The following HMBOX1 variants were observed in gnomAD, a reference collection of about 807,000 sequenced individuals.
The protein encoded by HMBOX1 is homeobox-containing protein 1.
HMBOX1 carries 14 observed loss-of-function variants against 54.5 expected under a neutral mutation model. The observed-to-expected ratio is 0.26, with a 90% CI of 0.17 to 0.40. The LOEUF is 0.40. Among genes scored for constraint, HMBOX1 ranks in the 10% least tolerant of loss-of-function variants. The probability of loss-of-function intolerance (pLI) is 1.00; values close to 1 mark genes in which losing one functional copy is unlikely to be tolerated. For synonymous variants in HMBOX1, 160 were observed against 181.0 expected, an observed-to-expected ratio of 0.88 and a Z score of 0.93; for missense variants, 332 against 514.4, an observed-to-expected ratio of 0.65 and a Z score of 3.43.
At chr8:28,977,894 G>A (rs945663547) in intron 3 of HMBOX1, among the ~76,000 whole-genome samples, 7 of 151,030 alleles carry the variant, frequency 4.6e-5, no homozygotes, top group African/African-American at 1.2e-4. Flanking sequence ...CAGTGAGCCA[G>A]TATCGCGCTA....
At chr8:28,943,553 A>C (rs1244641878) in intron 1 of HMBOX1, among the ~76,000 whole-genome samples, 2 of 152,190 alleles carry the variant, frequency 1.3e-5, no homozygotes, top group Non-Finnish European at 2.9e-5. Context: ...GCTTTCAGGA[A>C]GGAAAGGAAG....
chr8:28,981,719 A>G lies in HMBOX1; in HGVS notation c.586+1563A>G, dbSNP rs1364139099. On this transcript the variant is annotated intron_variant, in intron 4 of 9. Transcript: ENST00000287701. ...AAATAGTAGCTTTGAAACCCATCCA[A>G]TCTTAATTAATGCAAATCATAGTAA... 5.9e-5 allele frequency among the ~76,000 whole-genome samples: 9 copies of G among 152,294 alleles called. No homozygotes were observed. In the South Asian group the frequency reaches 1.9e-3, roughly 32 times the overall value.
chr8:29,051,898 TAAAAA>T lies in HMBOX1; in HGVS notation c.*759_*763del, dbSNP rs11356150. On this transcript the variant is annotated 3_prime_UTR_variant, in exon 10 of 10. Transcript: ENST00000287701. ...AACAAAGACAAAAACCAAAAGTCAT[TAAAAA>T]AAAAAAAAAAAAAAACCCAGCTTGA... is the stretch of plus-strand genomic sequence containing the variant. The T allele has an allele frequency of 1.8e-4, 24 of 131,972 alleles. No individual in the cohort carries two copies. Among genetic ancestry groups the T allele is most frequent in the Admixed American group, 8.4e-4 (10 of 11,934 alleles). 8.2% of individuals were successfully genotyped at this position (131,972 alleles called of 1,614,324 possible).
chr8:29,050,966 C>CT, intron 9 of HMBOX1, 52 bp from the exon 10 acceptor site: 1 of 1,577,890 alleles, frequency 6.3e-7, no homozygotes, highest in South Asian at 1.1e-5. Flanking sequence ...CTCTCTGTGA[C>CT]TAAAGAATTC....
At chr8:28,895,918 A>T (rs1024319989) in intron 1 of HMBOX1, among the ~76,000 whole-genome samples, 3 of 152,116 alleles carry the variant, frequency 2.0e-5, no homozygotes, top group African/African-American at 7.2e-5. Flanking sequence ...TTCATTAGTC[A>T]TTCTAAGCTC....
At chr8:28,896,022 A>G (rs1812031044) in intron 1 of HMBOX1, among the ~76,000 whole-genome samples, 1 of 152,214 alleles carries the variant, frequency 6.6e-6, no homozygotes, top group South Asian at 2.1e-4. Flanking sequence ...ACTTTGACAT[A>G]AATCAAAAAT....
chr8:28,984,263 C>A (rs959257953), intron 4 of HMBOX1, among the ~76,000 whole-genome samples: 1 of 152,152 alleles, frequency 6.6e-6, no homozygotes, highest in Non-Finnish European at 1.5e-5. Flanking sequence ...CTGAATCTTA[C>A]AACAAGTTCT....
intron 1 of HMBOX1, among the ~76,000 whole-genome samples, chr8:28,960,542 C>A (rs1474333266): frequency 6.6e-6 from 1 of 151,054 alleles, no homozygotes; most frequent in Non-Finnish European, 1.5e-5. Context: ...GATAATATAT[C>A]AAATTTCTGT....
chr8:29,004,760 C>T (rs915813476), intron 4 of HMBOX1, among the ~76,000 whole-genome samples: 1 of 152,074 alleles, frequency 6.6e-6, no homozygotes, highest in African/African-American at 2.4e-5. Flanking sequence ...ACGTTTTCTT[C>T]TGCAGTGGGA....
intron 1 of HMBOX1, among the ~76,000 whole-genome samples, chr8:28,893,921 C>G (rs1007550685): frequency 2.0e-5 from 3 of 152,150 alleles, no homozygotes; most frequent in Non-Finnish European, 4.4e-5. Context: ...TTTTTGTATA[C>G]AGCTCTTTAA....
intron 6 of HMBOX1, among the ~76,000 whole-genome samples, chr8:29,030,693 A>G (rs1802826480): frequency 6.6e-6 from 1 of 152,174 alleles, no homozygotes; most frequent in Non-Finnish European, 1.5e-5. Context: ...TTCCCACCCT[A>G]GAATTAAATC....
chr8:28,986,342 T>C (rs1830159915), intron 4 of HMBOX1, among the ~76,000 whole-genome samples: 1 of 152,216 alleles, frequency 6.6e-6, no homozygotes. Flanking sequence ...GCTTCCAAGT[T>C]TTGGCAATTA....
chr8:28,938,815 A>G (rs1009433854), intron 1 of HMBOX1, among the ~76,000 whole-genome samples: 11 of 151,848 alleles, frequency 7.2e-5, no homozygotes, highest in African/African-American at 1.5e-4. Flanking sequence ...TGGAAATTCA[A>G]TTCACCCCAA....
chr8:28,926,723 A>G (rs1818584817), intron 1 of HMBOX1, among the ~76,000 whole-genome samples: 1 of 152,140 alleles, frequency 6.6e-6, no homozygotes. Flanking sequence ...GTATACCACC[A>G]TGCCTAGCTA....
chr8:28,969,294 C>T (rs1044956994), intron 2 of HMBOX1, among the ~76,000 whole-genome samples: 1 of 152,162 alleles, frequency 6.6e-6, no homozygotes, highest in South Asian at 2.1e-4. Flanking sequence ...GCTGTAGTAT[C>T]TTGTGCTAGT....
intron 6 of HMBOX1, among the ~76,000 whole-genome samples, chr8:29,029,240 T>A (rs1802534445): frequency 6.6e-6 from 1 of 152,256 alleles, no homozygotes; most frequent in African/African-American, 2.4e-5. Flanking sequence ...TTATTTTGTA[T>A]AATGTTCCAA....
chr8:29,046,888 G>A (rs951670624), intron 7 of HMBOX1, among the ~76,000 whole-genome samples: 2 of 152,202 alleles, frequency 1.3e-5, no homozygotes, highest in Non-Finnish European at 2.9e-5. Flanking sequence ...GGGCTGAGGT[G>A]GGAGGAGCAC....
At chr8:29,023,182 G>A (rs1208018946) in intron 6 of HMBOX1, among the ~76,000 whole-genome samples, 2 of 152,080 alleles carry the variant, frequency 1.3e-5, no homozygotes, top group Non-Finnish European at 1.5e-5. Flanking sequence ...TAGGAACCAA[G>A]ATTGTCAGTG....
intron 1 of HMBOX1, among the ~76,000 whole-genome samples, chr8:28,945,435 A>G (rs1266678615): frequency 6.6e-6 from 1 of 152,232 alleles, no homozygotes; most frequent in African/African-American, 2.4e-5. Flanking sequence ...TTTTAGGACG[A>G]TTACTTTGTT....
Sources: allele counts gnomAD v4.1 joint callset (sites outside exome capture counted in the v4.1 genomes callset), GRCh38; gene constraint gnomAD v4.1.1; transcripts MANE v1.5; gene names NCBI Gene and HGNC (gene_info 2026-07-23, HGNC 2026-07-21).